SYNE1: variants seen among roughly 807,000 people sequenced by gnomAD.
SYNE1 encodes the protein nesprin-1.
A neutral mutation model predicts 1,111.0 loss-of-function variants in SYNE1; 616 were observed. The observed-to-expected ratio is 0.55, with a 90% CI of 0.52 to 0.59. SYNE1 has a LOEUF of 0.59. SYNE1 is among the 20% of genes least tolerant of loss of function. The pLI is 0.00. For missense variants in SYNE1, 10,006 were observed against 10,417.0 expected (o/e 0.96, Z 1.72); for synonymous variants, 3,855 against 3,825.8 (o/e 1.01, Z -0.28).
intron 137 of SYNE1, chr6:152,145,371 G>T: frequency 1.1e-6 from 1 of 946,164 alleles, no homozygotes; most frequent in Non-Finnish European, 1.7e-6. Flanking sequence ...AGAGAGGAAG[G>T]CTGTGCCTTA....
At position 152,590,010 on chromosome 6, in the gene SYNE1, C is replaced by G. The variant is rs140828589; in HGVS notation, c.67+38255G>C. On this transcript the variant is annotated intron_variant, in intron 3 of 145. Transcript: ENST00000367255. ...CACCTAGTGGTGCCACCATAGCTCA[C>G]TGTAACCTCGAACCCTAGGCTCAAG... Among the ~76,000 whole-genome samples the G allele has an allele frequency of 5.3e-3, 790 of 150,234 alleles. 9 individuals carry two copies. Among genetic ancestry groups the G allele is most frequent in the African/African-American group, 0.019 (756 of 40,832 alleles).
chr6:152,628,048 A>AAAAAAG (rs1339257583), intron 3 of SYNE1, among the ~76,000 whole-genome samples: 2 of 150,998 alleles, frequency 1.3e-5, no homozygotes, highest in Admixed American at 6.6e-5. Context: ...AAATTACAAA[A>AAAAAAG]AAAAAAAAAA....
At chr6:152,325,438 G>A (rs2153950328) in intron 80 of SYNE1, 136 bp from the exon 81 acceptor site, 2 of 773,372 alleles carry the variant, frequency 2.6e-6, no homozygotes, top group South Asian at 3.2e-5. Flanking sequence ...TTCTCCTCTA[G>A]GTACTCTTAC....
At chr6:152,548,135 C>T (rs1387163981) in intron 3 of SYNE1, among the ~76,000 whole-genome samples, 1 of 152,164 alleles carries the variant, frequency 6.6e-6, no homozygotes, top group African/African-American at 2.4e-5. Context: ...CCCACAGCAG[C>T]CTCATATGTG....
At chr6:152,287,750 T>C (rs1355007943) in intron 95 of SYNE1, among the ~76,000 whole-genome samples, 1 of 152,152 alleles carries the variant, frequency 6.6e-6, no homozygotes, top group African/African-American at 2.4e-5. Context: ...TTTCACCATG[T>C]TGGCCAGGCT....
chr6:152,151,933 A>T (rs751195517), intron 134 of SYNE1, 26 bp downstream of exon 134: 4 of 1,612,880 alleles, frequency 2.5e-6, no homozygotes, highest in Non-Finnish European at 3.4e-6. Context: ...CTGGCCTCTA[A>T]ATTACAGATG....
chr6:152,253,610 T>C (rs1451247423), intron 104 of SYNE1, among the ~76,000 whole-genome samples: 1 of 152,122 alleles, frequency 6.6e-6, no homozygotes, highest in Admixed American at 6.6e-5. Flanking sequence ...GCAAAATTAT[T>C]ATCAGAACAA....
chr6:152,203,098 T>A (rs531953643), intron 126 of SYNE1, among the ~76,000 whole-genome samples: 5 of 152,328 alleles, frequency 3.3e-5, no homozygotes, highest in Admixed American at 6.5e-5. Flanking sequence ...GGTTATGTTT[T>A]GAAAGGTTAC....
At chr6:152,333,717 C>A (rs1303893044) in intron 77 of SYNE1, among the ~76,000 whole-genome samples, 1 of 152,136 alleles carries the variant, frequency 6.6e-6, no homozygotes, top group East Asian at 1.9e-4. Flanking sequence ...ACTGCAGCCT[C>A]CTCCTCCCAG....
chr6:152,450,186 C>T (rs2098636058), intron 27 of SYNE1, among the ~76,000 whole-genome samples: 1 of 152,150 alleles, frequency 6.6e-6, no homozygotes, highest in Non-Finnish European at 1.5e-5. Context: ...AGGGGCTTTT[C>T]CCCCTTTTGC....
chr6:152,346,796 T>C (rs9322369), intron 73 of SYNE1, among the ~76,000 whole-genome samples: 9 of 151,012 alleles, frequency 6.0e-5, no homozygotes, highest in South Asian at 4.2e-4. Flanking sequence ...TGCGACAGAG[T>C]GAGACTCCGT....
intron 7 of SYNE1, 146 bp downstream of exon 7, chr6:152,510,865 A>G (rs987844429): frequency 1.2e-6 from 1 of 815,754 alleles, no homozygotes; most frequent in Non-Finnish European, 2.1e-6. Flanking sequence ...CTCCTACCAA[A>G]GAAACAACGT....
chr6:152,426,204 A>T (rs990225782), intron 38 of SYNE1, among the ~76,000 whole-genome samples: 4 of 152,246 alleles, frequency 2.6e-5, no homozygotes, highest in Admixed American at 6.5e-5. Flanking sequence ...ATAATAATAA[A>T]AAAATATTAA....
intron 3 of SYNE1, among the ~76,000 whole-genome samples, chr6:152,596,121 A>G (rs35228850): frequency 0.029 from 4,250 of 148,748 alleles, 275 homozygotes; most frequent in African/African-American, 0.1. Flanking sequence ...AAAAAAAAAA[A>G]AAAAAAGCCT....
intron 95 of SYNE1, among the ~76,000 whole-genome samples, chr6:152,292,473 T>C (rs2094651473): frequency 6.6e-6 from 1 of 152,174 alleles, no homozygotes; most frequent in Non-Finnish European, 1.5e-5. Context: ...CACAAGAGTG[T>C]AAAAAACCTG....
chr6:152,471,384 C>G (rs996855654), intron 16 of SYNE1, among the ~76,000 whole-genome samples: 3 of 152,096 alleles, frequency 2.0e-5, no homozygotes, highest in Non-Finnish European at 4.4e-5. Context: ...TTAAACTAAA[C>G]TGAACTAGGG....
chr6:152,187,934 C>A (rs2070725080), intron 128 of SYNE1, among the ~76,000 whole-genome samples: 1 of 152,170 alleles, frequency 6.6e-6, no homozygotes, highest in African/African-American at 2.4e-5. Flanking sequence ...CCATGTTGGC[C>A]AGGCTGGTCT....
chr6:152,623,746 G>A (rs919250457), intron 3 of SYNE1, among the ~76,000 whole-genome samples: 5 of 151,976 alleles, frequency 3.3e-5, no homozygotes, highest in Admixed American at 6.6e-5. Context: ...ATATACATGC[G>A]GCCAACAATA....
chr6:152,301,822 A>G, intron 92 of SYNE1, 47 bp downstream of exon 92: 1 of 1,550,800 alleles, frequency 6.4e-7, no homozygotes, highest in Non-Finnish European at 8.7e-7. Flanking sequence ...GCCACTCGCC[A>G]GGCTCCAGTC....
Sources: gnomAD v4.1 joint callset for allele counts (sites outside exome capture counted in the v4.1 genomes callset) on GRCh38, gnomAD v4.1.1 for gene constraint, MANE v1.5 for transcripts, NCBI Gene and HGNC (gene_info 2026-07-23, HGNC 2026-07-21) for gene names.